The following ITGA9 variants were observed in gnomAD, a reference collection of about 807,000 sequenced individuals.
ITGA9 encodes the protein integrin alpha-9.
In ITGA9, 56 loss-of-function variants were observed where a neutral mutation model predicts 127.8. The observed-to-expected ratio is 0.44, with a 90% CI of 0.35 to 0.55. ITGA9 has a LOEUF of 0.55. Ranked by LOEUF, ITGA9 falls within the 20% of genes least tolerant of loss-of-function variation. The probability of loss-of-function intolerance (pLI) is 0.00; values close to 1 mark genes in which losing one functional copy is unlikely to be tolerated. For missense variants in ITGA9, 1,196 were observed against 1,347.1 expected (o/e 0.89, Z 1.76); for synonymous variants, 508 against 514.5 (o/e 0.99, Z 0.17).
At chr3:37,503,944 A>G (rs1016756062) in intron 6 of ITGA9, among the ~76,000 whole-genome samples, 2 of 152,244 alleles carry the variant, frequency 1.3e-5, no homozygotes, top group Non-Finnish European at 2.9e-5. Flanking sequence ...TCTTTAATTT[A>G]TGCCCTAAAT....
Position 37,481,585 on chromosome 3 carries a change from G to C in ITGA9, c.522G>C (p.Arg174Ser), listed in dbSNP as rs978380173. ...IIPSNLQAKG[R>S]TLIPCYEEYK... ...CCTCCAACCTCCAGGCCAAAGGCAG[G>C]ACGCTGATCCCTTGCTATGAAGGTG... Residue 174 changes from arginine (R) to serine (S), a missense_variant, in exon 4 of 28, where the codon AGG (arginine) becomes AGC (serine). Transcript: ENST00000264741. 29 of 1,614,040 alleles carry C rather than the reference G, an allele frequency of 1.8e-5. No individual in the cohort carries two copies. Among genetic ancestry groups the C allele is most frequent in the Non-Finnish European group, 2.5e-5 (29 of 1,180,030 alleles).
intron 25 of ITGA9, 129 bp from the exon 26 acceptor site, chr3:37,784,848 C>T: frequency 1.4e-6 from 1 of 730,170 alleles, no homozygotes; most frequent in South Asian, 1.5e-5. Context: ...GGAGAGGTAT[C>T]TAGTTCAATG....
intron 18 of ITGA9, among the ~76,000 whole-genome samples, chr3:37,709,612 A>G (rs1250408960): frequency 6.6e-6 from 1 of 152,256 alleles, no homozygotes; most frequent in Non-Finnish European, 1.5e-5. Flanking sequence ...TGGTTGGCAG[A>G]TGGGCGGGTG....
At position 37,460,165 on chromosome 3, in the gene ITGA9, G is replaced by C. The variant is rs535736560; in HGVS notation, c.185+7606G>C. Among the ~76,000 whole-genome samples the C allele has an allele frequency of 1.3e-4, 20 of 152,296 alleles. No individual in the cohort carries two copies. The South Asian group carries it at 3.5e-3, about 27-fold the overall frequency. On this transcript the variant is annotated intron_variant, in intron 1 of 27. Transcript: ENST00000264741. ...CCACTTATTTAGGAATCTCTGAATT[G>C]GGGAAGGTAGCCATGGTGGCCAGTG...
At chr3:37,479,097 G>A (rs1237818455) in intron 3 of ITGA9, among the ~76,000 whole-genome samples, 3 of 152,032 alleles carry the variant, frequency 2.0e-5, no homozygotes, top group Non-Finnish European at 4.4e-5. Context: ...CAAAAACTTA[G>A]CAAAACCAAA....
At chr3:37,453,436 C>T (rs537263120) in intron 1 of ITGA9, among the ~76,000 whole-genome samples, 2 of 152,262 alleles carry the variant, frequency 1.3e-5, no homozygotes, top group East Asian at 1.9e-4. Flanking sequence ...GAGCTTGTGC[C>T]CAACCCCAGC....
intron 16 of ITGA9, among the ~76,000 whole-genome samples, chr3:37,647,704 C>T (rs79134945): frequency 0.013 from 1,990 of 152,108 alleles, 40 homozygotes; most frequent in African/African-American, 0.044. Flanking sequence ...GTTTAGATTC[C>T]GCAATAAGTG....
chr3:37,595,477 A>T (rs1371495703), intron 15 of ITGA9, among the ~76,000 whole-genome samples: 1 of 152,234 alleles, frequency 6.6e-6, no homozygotes, highest in African/African-American at 2.4e-5. Context: ...TGTTCTCCCT[A>T]TCCAGAGCAT....
chr3:37,570,696 A>T (rs1398328756), intron 15 of ITGA9, among the ~76,000 whole-genome samples: 2 of 152,240 alleles, frequency 1.3e-5, no homozygotes, highest in African/African-American at 4.8e-5. Context: ...TTCTTATTTT[A>T]ATCCTTTTTC....
chr3:37,631,091 A>G (rs1700226365), intron 16 of ITGA9, among the ~76,000 whole-genome samples: 2 of 152,114 alleles, frequency 1.3e-5, no homozygotes, highest in Admixed American at 1.3e-4. Flanking sequence ...CTAGTTCTAG[A>G]ATTATTCTGC....
In ITGA9 at chr3:37,513,917, G is replaced by T; in HGVS notation, c.1035+17G>T. 6.2e-7 allele frequency: 1 copy of T among 1,612,646 alleles called. No homozygotes were observed. Reference sequence around the variant, plus strand: ...AGAGGAAATGTGAGTACAATACTGGGCAATGTGCGGATGGGTGTGGGGGAG... The same window carrying T: ...AGAGGAAATGTGAGTACAATACTGGTCAATGTGCGGATGGGTGTGGGGGAG... On this transcript the variant is annotated intron_variant, in intron 9 of 27. Coordinates refer to ENST00000264741, the MANE Select transcript of ITGA9 (RefSeq NM_002207.3).
At chr3:37,546,472 C>G (rs1250890298) in intron 15 of ITGA9, among the ~76,000 whole-genome samples, 1 of 152,240 alleles carries the variant, frequency 6.6e-6, no homozygotes, top group Admixed American at 6.5e-5. Flanking sequence ...TGGCCATGCT[C>G]TGCTTTGATC....
At chr3:37,816,199 G>A (rs2125568265) in intron 27 of ITGA9, among the ~76,000 whole-genome samples, 1 of 152,292 alleles carries the variant, frequency 6.6e-6, no homozygotes, top group Middle Eastern at 3.4e-3. Context: ...CCAAGGACAG[G>A]TGAGATGCTG....
At chr3:37,711,495 T>C (rs945779503) in intron 18 of ITGA9, among the ~76,000 whole-genome samples, 4 of 152,222 alleles carry the variant, frequency 2.6e-5, no homozygotes, top group African/African-American at 9.7e-5. Flanking sequence ...CCTTGAACTC[T>C]TGGGCTCAAG....
chr3:37,783,209 TC>T (rs1696999291), intron 25 of ITGA9, among the ~76,000 whole-genome samples: 1 of 152,334 alleles, frequency 6.6e-6, no homozygotes, highest in African/African-American at 2.4e-5. Context: ...AAGGCTTTTC[TC>T]ACTGATTCTA....
rs1698884957 is a variant in ITGA9, at chr3:37,509,996, G to C, written c.897+1369G>C. Among the ~76,000 whole-genome samples the C allele has an allele frequency of 4.0e-5, 6 of 151,602 alleles. No individual in the cohort carries two copies. The South Asian group carries it at 8.4e-4, about 21-fold the overall frequency. On this transcript the variant is annotated intron_variant, in intron 8 of 27. Coordinates refer to ENST00000264741, the MANE Select transcript of ITGA9 (RefSeq NM_002207.3). ...TCCCTCTTCCCTTCAAATGTACCTG[G>C]GTTTGAAAGCCTAAAGGTAAAGGAT...
chr3:37,623,525 TC>T (rs1700146287), intron 15 of ITGA9, among the ~76,000 whole-genome samples: 1 of 152,240 alleles, frequency 6.6e-6, no homozygotes, highest in Non-Finnish European at 1.5e-5. Flanking sequence ...CCACATTCTT[TC>T]CTTCTCTTTG....
In ITGA9 at chr3:37,509,801, A is replaced by C. The variant is rs972226396; in HGVS notation, c.897+1174A>C. Among the ~76,000 whole-genome samples the C allele has an allele frequency of 4.5e-4, 68 of 152,292 alleles. 1 individual carries two copies. The highest frequency in any genetic ancestry group is 1.5e-3 in the African/African-American group (63 of 41,564). ...AAATGACTGTGAGCCATTCTGCAAA[A>C]GGGTTTTCCAAGCACCCTTAAAGTT... On this transcript the variant is annotated intron_variant, in intron 8 of 27. Coordinates refer to ENST00000264741, the MANE Select transcript of ITGA9 (RefSeq NM_002207.3).
chr3:37,518,087 T>A (rs1300109851), intron 10 of ITGA9, among the ~76,000 whole-genome samples: 1 of 140,336 alleles, frequency 7.1e-6, no homozygotes, highest in African/African-American at 2.9e-5. Flanking sequence ...CTTTTGAGAG[T>A]GTACGCGTGT....
Sources: gnomAD v4.1 joint callset for allele counts (sites outside exome capture counted in the v4.1 genomes callset) on GRCh38, gnomAD v4.1.1 for gene constraint, MANE v1.5 for transcripts, NCBI Gene and HGNC (gene_info 2026-07-23, HGNC 2026-07-21) for gene names.